The following CSMD1 variants were observed in gnomAD, a reference collection of about 807,000 sequenced individuals.
CSMD1 encodes the protein CUB and sushi domain-containing protein 1.
In CSMD1, 213 loss-of-function variants were observed where a neutral mutation model predicts 417.5. That is an observed-to-expected ratio of 0.51 (90% confidence interval 0.46 to 0.57). The LOEUF is 0.57. Ranked by LOEUF, CSMD1 falls within the 20% of genes least tolerant of loss-of-function variation. The probability of loss-of-function intolerance (pLI) is 0.00; values close to 1 mark genes in which losing one functional copy is unlikely to be tolerated. For synonymous variants in CSMD1, 2,862 were observed against 1,736.8 expected (o/e 1.65, Z -16.11); for missense variants, 6,923 against 4,529.7 (o/e 1.53, Z -15.17).
At chr8:4,501,406 C>T (rs988349499) in intron 2 of CSMD1, among the ~76,000 whole-genome samples, 5 of 152,048 alleles carry the variant, frequency 3.3e-5, no homozygotes, top group Non-Finnish European at 5.9e-5. Context: ...GGCAATAGAA[C>T]GTAGAGCAAA....
At chr8:3,468,029 G>T (rs987044621) in intron 12 of CSMD1, among the ~76,000 whole-genome samples, 2 of 152,144 alleles carry the variant, frequency 1.3e-5, no homozygotes, top group Non-Finnish European at 2.9e-5. Context: ...AGTTACCAAT[G>T]AAGGAACCAA....
chr8:4,652,313 A>G (rs1265114626), intron 1 of CSMD1, among the ~76,000 whole-genome samples: 1 of 152,174 alleles, frequency 6.6e-6, no homozygotes, highest in East Asian at 1.9e-4. Context: ...GACATTTGAC[A>G]TTTCTCATTA....
At position 3,406,103 on chromosome 8, in the gene CSMD1, G is replaced by C. The variant is rs372689475; in HGVS notation, c.2190C>G (p.Thr730=). The C allele has an allele frequency of 3.7e-6, 6 of 1,613,908 alleles. No homozygotes were observed. In the South Asian group the frequency reaches 4.4e-5, roughly 12 times the overall value. The change falls in exon 15 of 70, where the codon ACC becomes ACG. Residue 730 remains threonine, a synonymous_variant. Coordinates refer to ENST00000635120, the MANE Select transcript of CSMD1 (RefSeq NM_033225.6). The part of the protein sequence containing the change: ...SFHCDDGFVK[T]QGSESITCIL... ...TGCAGGTAATGGACTCGGATCCCTGGGTCTTGACAAAGCCATCATCACAGT... is the reference window on the plus strand; with the variant it reads ...TGCAGGTAATGGACTCGGATCCCTGCGTCTTGACAAAGCCATCATCACAGT...
intron 45 of CSMD1, chr8:3,107,059 T>G (rs1361285048): frequency 6.4e-6 from 1 of 157,116 alleles, no homozygotes; most frequent in Non-Finnish European, 1.4e-5. Flanking sequence ...TAAGCCAGGG[T>G]GAGGACAGCA....
intron 7 of CSMD1, among the ~76,000 whole-genome samples, chr8:3,628,972 G>C (rs1307909750): frequency 6.6e-6 from 1 of 152,034 alleles, no homozygotes; most frequent in Non-Finnish European, 1.5e-5. Flanking sequence ...AGATAAAGAA[G>C]GGAAGGAGGA....
chr8:4,378,607 G>C (rs534777672), intron 3 of CSMD1, among the ~76,000 whole-genome samples: 23 of 152,310 alleles, frequency 1.5e-4, no homozygotes, highest in Admixed American at 6.5e-4. Flanking sequence ...CAAAAAGGAT[G>C]CTAAAACAAG....
intron 7 of CSMD1, among the ~76,000 whole-genome samples, chr8:3,622,648 C>G (rs1341181516): frequency 1.3e-5 from 2 of 152,108 alleles, no homozygotes; most frequent in Non-Finnish European, 2.9e-5. Flanking sequence ...TAGAAGATAA[C>G]AAAAAGTGAT....
intron 26 of CSMD1, among the ~76,000 whole-genome samples, chr8:3,241,471 T>C (rs188844617): frequency 2.9e-4 from 44 of 152,246 alleles, no homozygotes; most frequent in Admixed American, 1.2e-3. Flanking sequence ...GATCTGGCAG[T>C]GTCAGTCTTC....
At chr8:4,514,863 C>T (rs1432837830) in intron 2 of CSMD1, among the ~76,000 whole-genome samples, 1 of 152,136 alleles carries the variant, frequency 6.6e-6, no homozygotes, top group Admixed American at 6.5e-5. Context: ...TACCTCCTCC[C>T]CAAAATAAAC....
At position 4,319,738 on chromosome 8, in the gene CSMD1, GC is replaced by G. The variant is rs376844171; in HGVS notation, c.415+100214del. On this transcript the variant is annotated intron_variant, in intron 3 of 69. Transcript: ENST00000635120. ...ATTAGAGGAAAAAGAACTGAGACTT[GC>G]CGGGGGGCCAAAGGCTGCTAGAGTT... 2.6e-3 allele frequency among the ~76,000 whole-genome samples: 391 copies of G among 152,184 alleles called. 3 individuals carry two copies. Among genetic ancestry groups the G allele is most frequent in the African/African-American group, 8.3e-3 (346 of 41,544 alleles).
At chr8:3,065,577 CATAG>C (rs1469522777) in intron 49 of CSMD1, among the ~76,000 whole-genome samples, 1 of 151,652 alleles carries the variant, frequency 6.6e-6, no homozygotes, top group Non-Finnish European at 1.5e-5. Context: ...ATGATAGATA[CATAG>C]ATACACAGAT....
At chr8:4,815,133 C>G (rs1165530543) in intron 1 of CSMD1, among the ~76,000 whole-genome samples, 1 of 151,942 alleles carries the variant, frequency 6.6e-6, no homozygotes, top group Non-Finnish European at 1.5e-5. Flanking sequence ...ACATCTAGGT[C>G]AATATCAGGA....
intron 12 of CSMD1, among the ~76,000 whole-genome samples, chr8:3,419,556 G>C (rs1324807809): frequency 6.6e-6 from 1 of 152,026 alleles, no homozygotes; most frequent in African/African-American, 2.4e-5. Flanking sequence ...GTAACCCTCA[G>C]CTAACTAGGA....
intron 2 of CSMD1, among the ~76,000 whole-genome samples, chr8:4,582,924 A>G (rs1433790041): frequency 6.6e-6 from 1 of 152,194 alleles, no homozygotes; most frequent in Non-Finnish European, 1.5e-5. Flanking sequence ...CACTCGGAGC[A>G]GCTGGCCGGC....
intron 2 of CSMD1, among the ~76,000 whole-genome samples, chr8:4,523,117 T>C (rs1050623989): frequency 2.0e-4 from 30 of 152,160 alleles, no homozygotes; most frequent in African/African-American, 7.0e-4. Context: ...GCCAAAATAA[T>C]TCTCATTATA....
chr8:3,795,111 TATAGATATCTATCATGTAC>T lies in CSMD1; in HGVS notation c.819-41088_819-41070del, dbSNP rs1563086995. On this transcript the variant is annotated intron_variant, in intron 5 of 69. Transcript: ENST00000635120. ...TAGATATATATCTATCATGTACAGC[TATAGATATCTATCATGTAC>T]AGCTATAGATATCTATCATGTACAG... is the stretch of plus-strand genomic sequence containing the variant. 1.3e-3 allele frequency among the ~76,000 whole-genome samples: 74 copies of T among 55,894 alleles called. 1 individual carries two copies. The highest frequency in any genetic ancestry group is 3.5e-3 in the African/African-American group (63 of 17,976). 36.7% of individuals were successfully genotyped at this position (55,894 alleles called of 152,430 possible).
chr8:3,065,742 G>C (rs554324936), intron 49 of CSMD1, among the ~76,000 whole-genome samples: 10 of 152,290 alleles, frequency 6.6e-5, no homozygotes, highest in Non-Finnish European at 1.3e-4. Flanking sequence ...CATCTGATAA[G>C]TATTTTCTCA....
chr8:4,914,922 G>T (rs1180743517), intron 1 of CSMD1, among the ~76,000 whole-genome samples: 2 of 152,128 alleles, frequency 1.3e-5, no homozygotes, highest in Non-Finnish European at 2.9e-5. Flanking sequence ...AACAGGAACA[G>T]AACATTTATC....
intron 4 of CSMD1, among the ~76,000 whole-genome samples, chr8:4,009,659 T>C (rs1011382047): frequency 2.0e-5 from 3 of 152,176 alleles, no homozygotes; most frequent in Admixed American, 6.5e-5. Context: ...TGTAATATAA[T>C]AGCTTGTAAT....
Sources: gnomAD v4.1 joint callset for allele counts (sites outside exome capture counted in the v4.1 genomes callset) on GRCh38, gnomAD v4.1.1 for gene constraint, MANE v1.5 for transcripts, NCBI Gene and HGNC (gene_info 2026-07-23, HGNC 2026-07-21) for gene names.